DNAH7: variants seen among roughly 807,000 people sequenced by gnomAD.
DNAH7 encodes the protein dynein axonemal heavy chain 7.
DNAH7 carries 397 observed loss-of-function variants against 444.6 expected under a neutral mutation model. The observed-to-expected ratio is 0.89, with a 90% CI of 0.82 to 0.97. DNAH7 has a LOEUF of 0.97. DNAH7 is among the 50% of genes least tolerant of loss of function. The pLI is 0.00. For missense variants in DNAH7, 4,902 were observed against 4,800.8 expected (o/e 1.02, Z -0.62); for synonymous variants, 1,636 against 1,624.4 (o/e 1.01, Z -0.17).
intron 35 of DNAH7, 110 bp downstream of exon 35, chr2:195,884,471 GTCTC>G: frequency 2.7e-6 from 2 of 751,044 alleles, no homozygotes; most frequent in South Asian, 3.5e-5. Flanking sequence ...ATTCTATGCT[GTCTC>G]TTATGGTAAA....
rs184493413 is a variant in DNAH7, at chr2:195,915,436, T to A, written c.3936-5241A>T. On this transcript the variant is annotated intron_variant, in intron 24 of 64. Coordinates refer to ENST00000312428, the MANE Select transcript of DNAH7 (RefSeq NM_018897.3). ...AGTTTGGTGTTACTGGAATACTGAG[T>A]CCAATAGACAGATTATATTGCACCT... Among the ~76,000 whole-genome samples, 226 of 152,190 alleles carry A rather than the reference T, an allele frequency of 1.5e-3. 1 individual carries two copies. The highest frequency in any genetic ancestry group is 5.0e-3 in the African/African-American group (206 of 41,510).
intron 25 of DNAH7, among the ~76,000 whole-genome samples, chr2:195,907,576 A>G (rs2125294379): frequency 6.6e-6 from 1 of 152,284 alleles, no homozygotes; most frequent in South Asian, 2.1e-4. Context: ...TGATTCAACA[A>G]ATATGTACTG....
In DNAH7 at chr2:195,787,259, T is replaced by G. The variant is rs552161139; in HGVS notation, c.10717-88A>C. On this transcript the variant is annotated intron_variant, in intron 57 of 64. Transcript: ENST00000312428. ...TATTTTAAAATGAAAGCAAATTTCT[T>G]TCATTTATAAATAGCATAGGGACAT... is the stretch of plus-strand genomic sequence containing the variant. 697 of 1,384,068 alleles carry G rather than the reference T, an allele frequency of 5.0e-4. 2 individuals carry two copies. In the African/African-American group the frequency reaches 8.9e-3, roughly 18 times the overall value. 85.7% of individuals were successfully genotyped at this position (1,384,068 alleles called of 1,614,324 possible).
At chr2:195,827,104 C>T (rs980008461) in intron 48 of DNAH7, among the ~76,000 whole-genome samples, 3 of 152,064 alleles carry the variant, frequency 2.0e-5, no homozygotes, top group Admixed American at 6.5e-5. Flanking sequence ...AGTTCTTTAC[C>T]CTGGATGCAA....
intron 20 of DNAH7, among the ~76,000 whole-genome samples, chr2:195,935,090 T>C (rs554194732): frequency 9.8e-5 from 15 of 152,320 alleles, no homozygotes; most frequent in East Asian, 3.9e-4. Context: ...TAAAAGATGC[T>C]AAAGGTAACA....
intron 41 of DNAH7, among the ~76,000 whole-genome samples, chr2:195,862,678 G>A (rs1700093474): frequency 6.6e-6 from 1 of 152,054 alleles, no homozygotes; most frequent in African/African-American, 2.4e-5. Flanking sequence ...GACTTCACTA[G>A]TTTATCCTCT....
intron 18 of DNAH7, among the ~76,000 whole-genome samples, chr2:195,959,063 A>G (rs1441930388): frequency 6.8e-6 from 1 of 147,416 alleles, no homozygotes; most frequent in African/African-American, 2.7e-5. Context: ...TCCATCTCAA[A>G]TTAATTAATT....
chr2:195,793,591 T>A (rs1695992753), intron 57 of DNAH7, among the ~76,000 whole-genome samples: 1 of 152,244 alleles, frequency 6.6e-6, no homozygotes, highest in Non-Finnish European at 1.5e-5. Context: ...ATGGTTTGAC[T>A]TAGTTTTAAA....
At chr2:195,832,469 G>T (rs1314301994) in intron 48 of DNAH7, among the ~76,000 whole-genome samples, 1 of 150,666 alleles carries the variant, frequency 6.6e-6, no homozygotes, top group Non-Finnish European at 1.5e-5. Flanking sequence ...TTGAGACAGG[G>T]TCTCACTGTG....
At chr2:196,044,610 G>A (rs1428471735) in intron 5 of DNAH7, among the ~76,000 whole-genome samples, 1 of 152,002 alleles carries the variant, frequency 6.6e-6, no homozygotes, top group African/African-American at 2.4e-5. Context: ...TTTTAAAAAG[G>A]TAATCATTAA....
At chr2:196,054,291 G>A (rs57736006) in intron 2 of DNAH7, among the ~76,000 whole-genome samples, 11,803 of 152,170 alleles carry the variant, frequency 0.078, 536 homozygotes, top group African/African-American at 0.12. Context: ...GAGGCAAAGG[G>A]GAGCGGAGTG....
rs1442473372 is a variant in DNAH7 at position 195,794,476 on chromosome 2, T to C, written c.10578A>G (p.Pro3526=). The C allele has an allele frequency of 1.2e-6, 2 of 1,614,200 alleles. No homozygotes were observed. The highest frequency in any genetic ancestry group is 3.3e-5 in the Admixed American group (2 of 60,022). Residue 3526 remains proline, a synonymous_variant, in exon 57 of 65, where the codon CCA becomes CCG. Coordinates refer to ENST00000312428, the MANE Select transcript of DNAH7 (RefSeq NM_018897.3). The stretch of plus-strand genomic sequence containing the variant: ...TCTGCAGTACTGACACAGGGAAATT[T>C]GGAGATGGGTAACTCGTTAGCCACA... ...FRMWLTSYPS[P]NFPVSVLQNG...
At chr2:195,926,071 A>C (rs1688312656) in intron 22 of DNAH7, among the ~76,000 whole-genome samples, 1 of 152,150 alleles carries the variant, frequency 6.6e-6, no homozygotes, top group Admixed American at 6.6e-5. Context: ...AAGGTATAAA[A>C]GAGAATACTG....
In DNAH7 at chr2:196,048,295, C is replaced by T. The variant is rs1298769593; in HGVS notation, c.250+1G>A. The stretch of plus-strand genomic sequence containing the variant: ...CTAATTTAGAATATTGAAGTTCTTA[C>T]CATGGGACTGTTCATTTTTAACACT... On this transcript the variant is annotated splice_donor_variant, in intron 4 of 64. Coordinates refer to ENST00000312428, the MANE Select transcript of DNAH7 (RefSeq NM_018897.3). LOFTEE classifies it high-confidence loss of function. 1 of 1,609,558 alleles carries T rather than the reference C, an allele frequency of 6.2e-7. No individual in the cohort carries two copies. The highest frequency in any genetic ancestry group is 8.5e-7 in the Non-Finnish European group (1 of 1,176,502).
chr2:195,783,718 T>C (rs1426142447), intron 58 of DNAH7, among the ~76,000 whole-genome samples: 1 of 152,194 alleles, frequency 6.6e-6, no homozygotes, highest in Non-Finnish European at 1.5e-5. Context: ...ATTCAACTCC[T>C]AGTATCTCCT....
intron 24 of DNAH7, among the ~76,000 whole-genome samples, chr2:195,918,214 T>C (rs1687805418): frequency 6.6e-6 from 1 of 152,214 alleles, no homozygotes; most frequent in Non-Finnish European, 1.5e-5. Flanking sequence ...ATTAGGGAAT[T>C]GCAAAATAAA....
rs1035367926 is a variant in DNAH7 at position 195,950,086 on chromosome 2, G to C, written c.3078+7175C>G. 2.0e-5 allele frequency among the ~76,000 whole-genome samples: 3 copies of C among 152,156 alleles called. No homozygotes were observed. In the East Asian group the frequency reaches 5.8e-4, roughly 29 times the overall value. On this transcript the variant is annotated intron_variant, in intron 19 of 64. Coordinates refer to ENST00000312428, the MANE Select transcript of DNAH7 (RefSeq NM_018897.3). ...TTCTTTTTTTGTTGTGTCTCTGCCA[G>C]GTTTTGGTATCAGGATGATGCTGGC...
At chr2:195,875,003 A>G (rs886463382) in intron 38 of DNAH7, among the ~76,000 whole-genome samples, 6 of 152,362 alleles carry the variant, frequency 3.9e-5, no homozygotes, top group African/African-American at 1.4e-4. Context: ...TACTGGCTTG[A>G]AGAAAATAGT....
At chr2:195,778,058 A>G in intron 58 of DNAH7, 73 bp from the exon 59 acceptor site, 1 of 1,326,522 alleles carries the variant, frequency 7.5e-7, no homozygotes, top group Non-Finnish European at 9.8e-7. Flanking sequence ...GTTTTTTCCT[A>G]TTACTAAATT....
Sources: gnomAD v4.1 joint callset for allele counts (sites outside exome capture counted in the v4.1 genomes callset) on GRCh38, gnomAD v4.1.1 for gene constraint, MANE v1.5 for transcripts, NCBI Gene and HGNC (gene_info 2026-07-23, HGNC 2026-07-21) for gene names.